The following TRIM44 variants were observed in gnomAD, a reference collection of about 807,000 sequenced individuals.
The protein encoded by TRIM44 is tripartite motif containing 44, also known as tripartite motif-containing protein 44.
Under a neutral mutation model 37.4 loss-of-function variants are expected in TRIM44, and 13 were observed. That is an observed-to-expected ratio of 0.35 (90% CI 0.23 to 0.55). TRIM44 has a LOEUF of 0.55. Among genes scored for constraint, TRIM44 ranks in the 20% least tolerant of loss-of-function variants. The pLI, the probability that TRIM44 is intolerant of heterozygous loss-of-function variation, is 0.89. For synonymous variants in TRIM44, 175 were observed against 157.2 expected (o/e 1.11, Z -0.85); for missense variants, 426 against 437.2 (o/e 0.97, Z 0.23).
At chr11:35,731,820 A>G (rs2135518936) in intron 3 of TRIM44, among the ~76,000 whole-genome samples, 1 of 152,216 alleles carries the variant, frequency 6.6e-6, no homozygotes, top group East Asian at 1.9e-4. Context: ...TGATACATGC[A>G]TATGATAACC....
At chr11:35,781,336 A>G (rs1853063360) in intron 4 of TRIM44, among the ~76,000 whole-genome samples, 1 of 152,076 alleles carries the variant, frequency 6.6e-6, no homozygotes, top group Non-Finnish European at 1.5e-5. Flanking sequence ...TTATTTTTCT[A>G]GGTATTTTGG....
At chr11:35,703,633 C>G (rs1306887433) in intron 2 of TRIM44, among the ~76,000 whole-genome samples, 1 of 152,230 alleles carries the variant, frequency 6.6e-6, no homozygotes, top group African/African-American at 2.4e-5. Flanking sequence ...GCCACCGCTG[C>G]TGGTACCCAG....
At chr11:35,733,227 G>A (rs747690579) in intron 3 of TRIM44, among the ~76,000 whole-genome samples, 2 of 152,132 alleles carry the variant, frequency 1.3e-5, no homozygotes, top group Non-Finnish European at 2.9e-5. Context: ...TAATGAACCA[G>A]AATTTGAGAC....
At chr11:35,774,736 A>G (rs1201606619) in intron 4 of TRIM44, among the ~76,000 whole-genome samples, 7 of 152,180 alleles carry the variant, frequency 4.6e-5, no homozygotes, top group Non-Finnish European at 1.0e-4. Context: ...TCCTTTCCCC[A>G]TTGCTTGTTT....
rs755921635 is a variant in TRIM44, at chr11:35,815,421, G to A, written c.*9036G>A. On this transcript the variant is annotated 3_prime_UTR_variant, in exon 5 of 5. Transcript: ENST00000299413. ...TTGCTCTTTGACTTGGTGATAGTAG[G>A]GCAATAGGGAGTGTCAGTAGGGTAG... 7 of 152,128 alleles carry A rather than the reference G, an allele frequency of 4.6e-5. No individual in the cohort carries two copies. The highest frequency in any genetic ancestry group is 8.8e-5 in the Non-Finnish European group (6 of 68,034). The allele number at this position is 152,128 out of a possible 1,614,324, so 9.4% of individuals were successfully genotyped here.
rs146059494 is a variant in TRIM44 at position 35,721,779 on chromosome 11, G to A, written c.748-4145G>A. ...ATGCTGTTCAGAGTTTATGTCTACC[G>A]TGTTTCTAGGCTGCTGAATAATTTT... On this transcript the variant is annotated intron_variant, in intron 2 of 4. Transcript: ENST00000299413. 1.3e-3 allele frequency among the ~76,000 whole-genome samples: 204 copies of A among 152,302 alleles called. 5 individuals are homozygous for A. The highest frequency in any genetic ancestry group is 4.5e-3 in the African/African-American group (189 of 41,566).
At chr11:35,805,850 G>A (rs1853440368) in intron 4 of TRIM44, among the ~76,000 whole-genome samples, 1 of 152,172 alleles carries the variant, frequency 6.6e-6, no homozygotes, top group African/African-American at 2.4e-5. Flanking sequence ...CTCTGACGAG[G>A]TGGCATATGT....
chr11:35,757,573 T>A (rs1306230115), intron 4 of TRIM44, among the ~76,000 whole-genome samples: 1 of 152,242 alleles, frequency 6.6e-6, no homozygotes, highest in Non-Finnish European at 1.5e-5. Flanking sequence ...CTTCTCTAGT[T>A]CTTTTAATTG....
chr11:35,679,280 C>T (rs543127811), intron 1 of TRIM44, among the ~76,000 whole-genome samples: 27 of 152,294 alleles, frequency 1.8e-4, no homozygotes, highest in African/African-American at 6.5e-4. Flanking sequence ...TCTTCCTATT[C>T]TGATGCCACT....
chr11:35,783,087 A>C (rs1371180887), intron 4 of TRIM44, among the ~76,000 whole-genome samples: 1 of 152,204 alleles, frequency 6.6e-6, no homozygotes, highest in East Asian at 1.9e-4. Flanking sequence ...AGTGCTTTAC[A>C]TATGTTCTCT....
At chr11:35,681,266 C>G (rs1851518816) in intron 1 of TRIM44, among the ~76,000 whole-genome samples, 3 of 152,174 alleles carry the variant, frequency 2.0e-5, no homozygotes, top group African/African-American at 7.2e-5. Context: ...TGAGAATACA[C>G]TGCTTTTCAG....
At chr11:35,756,866 A>T (rs907651450) in intron 4 of TRIM44, among the ~76,000 whole-genome samples, 13 of 152,182 alleles carry the variant, frequency 8.5e-5, no homozygotes, top group African/African-American at 3.1e-4. Context: ...CCACTTGATC[A>T]TGGTGGATAA....
Position 35,665,321 on chromosome 11 carries a change from G to A in TRIM44, c.669+1541G>A, listed in dbSNP as rs902503820. 5.3e-5 allele frequency among the ~76,000 whole-genome samples: 8 copies of A among 152,014 alleles called. 1 individual carries two copies. Among genetic ancestry groups the A allele is most frequent in the Admixed American group, 3.9e-4 (6 of 15,272 alleles). On this transcript the variant is annotated intron_variant, in intron 1 of 4. Coordinates refer to ENST00000299413, the MANE Select transcript of TRIM44 (RefSeq NM_017583.6). ...TACATGTTGCCAACTATTTTCCAGA[G>A]TGGTTGTACCAGTTTGAATCACTAT...
At position 35,809,967 on chromosome 11, in the gene TRIM44, T is replaced by G. The variant is rs1853508635; in HGVS notation, c.*3582T>G. 6.6e-6 allele frequency: 1 copy of G among 152,202 alleles called. No homozygotes were observed. 9.4% of individuals were successfully genotyped at this position (152,202 alleles called of 1,614,324 possible). ...TTGCGTACTACTTCAAAGATTTCTG[T>G]CAGCCCTAATTACAAGTGTCACCAT... is the stretch of plus-strand genomic sequence containing the variant. On this transcript the variant is annotated 3_prime_UTR_variant, in exon 5 of 5. Coordinates refer to ENST00000299413, the MANE Select transcript of TRIM44 (RefSeq NM_017583.6).
rs749929663 is a variant in TRIM44 at position 35,725,899 on chromosome 11, C to G, written c.748-25C>G. On this transcript the variant is annotated intron_variant, in intron 2 of 4. Coordinates refer to ENST00000299413, the MANE Select transcript of TRIM44 (RefSeq NM_017583.6). ...TGTTTCTTTGTATGTTCAACTTATT[C>G]TTCTTATTTGTCTCTGTTCTAAAGG... The G allele has an allele frequency of 6.8e-6, 11 of 1,609,174 alleles. No individual in the cohort carries two copies. In the Admixed American group the frequency reaches 1.2e-4, roughly 17 times the overall value.
intron 2 of TRIM44, among the ~76,000 whole-genome samples, chr11:35,692,624 G>T (rs1037711240): frequency 6.6e-6 from 1 of 151,902 alleles, no homozygotes; most frequent in African/African-American, 2.4e-5. Flanking sequence ...ATTATATATT[G>T]TTAGAAGAAA....
chr11:35,667,338 T>C (rs557965239), intron 1 of TRIM44, among the ~76,000 whole-genome samples: 1 of 152,332 alleles, frequency 6.6e-6, no homozygotes, highest in South Asian at 2.1e-4. Flanking sequence ...GCCTGTGTCC[T>C]TTTCACCTGA....
intron 2 of TRIM44, 41 bp from the exon 3 acceptor site, chr11:35,725,883 G>A: frequency 1.2e-6 from 2 of 1,602,628 alleles, no homozygotes; most frequent in South Asian, 2.2e-5. Flanking sequence ...TTGTTTCTTT[G>A]TATGTTCAAC....
At chr11:35,683,481 T>C (rs1851541881) in intron 1 of TRIM44, among the ~76,000 whole-genome samples, 1 of 152,310 alleles carries the variant, frequency 6.6e-6, no homozygotes, top group South Asian at 2.1e-4. Flanking sequence ...AGGTATTTCC[T>C]ATTTTGGAGG....
Sources: gnomAD v4.1 joint callset for allele counts (sites outside exome capture counted in the v4.1 genomes callset) on GRCh38, gnomAD v4.1.1 for gene constraint, MANE v1.5 for transcripts, NCBI Gene and HGNC (gene_info 2026-07-23, HGNC 2026-07-21) for gene names.